The following NR2C2 variants were observed in gnomAD, a reference collection of about 807,000 sequenced individuals.
NR2C2 encodes Nuclear hormone receptor TR4.
In NR2C2, 6 loss-of-function variants were observed where a neutral mutation model predicts 62.9. That is an observed-to-expected ratio of 0.10 (90% confidence interval 0.05 to 0.19). The LOEUF is 0.19. Among genes scored for constraint, NR2C2 ranks in the 10% least tolerant of loss-of-function variants. NR2C2 has a pLI of 1.00. For synonymous variants in NR2C2, 272 were observed against 273.8 expected, an observed-to-expected ratio of 0.99 and a Z score of 0.07; for missense variants, 479 against 762.7, an observed-to-expected ratio of 0.63 and a Z score of 4.38.
At chr3:15,034,960 A>G (rs2042068452) in intron 11 of NR2C2, 151 bp downstream of exon 11, 2 of 803,554 alleles carry the variant, frequency 2.5e-6, no homozygotes, top group South Asian at 1.9e-5. Context: ...TCAGTTTCCC[A>G]CAGCATCCAT....
chr3:15,000,970 A>G (rs1487750751), intron 1 of NR2C2, among the ~76,000 whole-genome samples: 1 of 151,082 alleles, frequency 6.6e-6, no homozygotes, highest in Non-Finnish European at 1.5e-5. Context: ...ACCCGTCACC[A>G]CGCCCGGCTA....
chr3:15,020,108 A>C (rs1286408089), intron 4 of NR2C2, among the ~76,000 whole-genome samples: 1 of 152,244 alleles, frequency 6.6e-6, no homozygotes, highest in Non-Finnish European at 1.5e-5. Context: ...TAATAAATGC[A>C]TTCCTAGAAC....
In NR2C2 at chr3:15,047,402, G is replaced by A. The variant is rs1245102254; in HGVS notation, c.*4394G>A. 1 of 152,228 alleles carries A rather than the reference G, an allele frequency of 6.6e-6. No homozygotes were observed. The highest frequency in any genetic ancestry group is 1.5e-5 in the Non-Finnish European group (1 of 68,050). 9.4% of individuals were successfully genotyped at this position (152,228 alleles called of 1,614,324 possible). A position where few individuals can be genotyped will look rare whatever the true frequency, so the allele number is the denominator to read the frequency against. Reference sequence around the variant, plus strand: ...ACAAGAGCCAGGAAGCTGGAAGACAGTTTATCTTAATATCCAAAACTAAGT... The same window carrying A: ...ACAAGAGCCAGGAAGCTGGAAGACAATTTATCTTAATATCCAAAACTAAGT... On this transcript the variant is annotated 3_prime_UTR_variant, in exon 14 of 14. Transcript: ENST00000425241.
chr3:15,038,768 G>A (rs2125088147), intron 12 of NR2C2: 1 of 191,852 alleles, frequency 5.2e-6, no homozygotes, highest in East Asian at 1.2e-4. Context: ...ATAAAATTGG[G>A]ACAAATTATA....
In NR2C2 at chr3:15,048,053, G is replaced by A. The variant is rs1464276237; in HGVS notation, c.*5045G>A. The A allele has an allele frequency of 1.3e-5, 2 of 152,596 alleles. No individual in the cohort carries two copies. Among genetic ancestry groups the A allele is most frequent in the Non-Finnish European group, 2.9e-5 (2 of 68,042 alleles). 9.5% of individuals were successfully genotyped at this position (152,596 alleles called of 1,614,324 possible). A position where few individuals can be genotyped will look rare whatever the true frequency, so the allele number is the denominator to read the frequency against. On this transcript the variant is annotated 3_prime_UTR_variant, in exon 14 of 14. Coordinates refer to ENST00000425241, the MANE Select transcript of NR2C2 (RefSeq NM_001291694.2). ...CTGGGAAGCAGGGGCCTGCTGGAAG[G>A]AATCACTAGATTGCTGCAAAAACTC...
intron 1 of NR2C2, among the ~76,000 whole-genome samples, chr3:14,978,837 T>C (rs1311740564): frequency 1.3e-5 from 2 of 152,200 alleles, no homozygotes; most frequent in Non-Finnish European, 2.9e-5. Context: ...GTTCAAGTTA[T>C]CCACAGACTA....
intron 2 of NR2C2, among the ~76,000 whole-genome samples, chr3:15,009,778 C>T (rs1256005417): frequency 6.6e-6 from 1 of 152,148 alleles, no homozygotes. Context: ...CTTCTGGTGG[C>T]CAGAAGTCTG....
At chr3:14,960,685 C>A (rs980571475) in intron 1 of NR2C2, among the ~76,000 whole-genome samples, 1 of 152,148 alleles carries the variant, frequency 6.6e-6, no homozygotes, top group Non-Finnish European at 1.5e-5. Flanking sequence ...AGGAGAAATT[C>A]TGTTGACATC....
intron 4 of NR2C2, among the ~76,000 whole-genome samples, chr3:15,020,411 A>C (rs921315638): frequency 3.9e-5 from 6 of 152,214 alleles, no homozygotes; most frequent in Non-Finnish European, 5.9e-5. Context: ...GGTGTGTTCA[A>C]GTGGACAGTA....
chr3:14,982,879 C>T (rs2040413657), intron 1 of NR2C2, among the ~76,000 whole-genome samples: 2 of 152,084 alleles, frequency 1.3e-5, no homozygotes, highest in Non-Finnish European at 2.9e-5. Context: ...TGCTATGAGC[C>T]TTTATTCGAT....
intron 1 of NR2C2, among the ~76,000 whole-genome samples, chr3:14,963,241 T>C (rs372412535): frequency 1.9e-4 from 29 of 152,368 alleles, no homozygotes; most frequent in African/African-American, 6.7e-4. Context: ...TTCTGTACCA[T>C]GCCCTATGCA....
chr3:14,993,745 A>G (rs559293466), intron 1 of NR2C2, among the ~76,000 whole-genome samples: 1 of 152,226 alleles, frequency 6.6e-6, no homozygotes, highest in East Asian at 1.9e-4. Context: ...CACTCAATCT[A>G]AATTTATTAC....
chr3:14,962,349 A>G (rs1478545892), intron 1 of NR2C2: 1 of 152,624 alleles, frequency 6.6e-6, no homozygotes, highest in Admixed American at 6.6e-5. Flanking sequence ...GATTACTAAT[A>G]TTTTTCAAGT....
intron 3 of NR2C2, among the ~76,000 whole-genome samples, chr3:15,015,381 A>G (rs1159998191): frequency 6.6e-6 from 1 of 152,264 alleles, no homozygotes; most frequent in African/African-American, 2.4e-5. Flanking sequence ...TGAGGGGAAG[A>G]TAGCAGGTTT....
At chr3:15,015,250 C>T (rs1239190268) in intron 3 of NR2C2, among the ~76,000 whole-genome samples, 1 of 152,162 alleles carries the variant, frequency 6.6e-6, no homozygotes, top group East Asian at 1.9e-4. Flanking sequence ...CATTTTAAGG[C>T]TTATTGTTGG....
intron 1 of NR2C2, among the ~76,000 whole-genome samples, chr3:14,960,431 A>G (rs1252749007): frequency 6.6e-6 from 1 of 152,188 alleles, no homozygotes; most frequent in Non-Finnish European, 1.5e-5. Context: ...TTGATCCTGC[A>G]AATTTAAAGT....
At chr3:15,007,576 A>G (rs1449075358) in intron 2 of NR2C2, among the ~76,000 whole-genome samples, 1 of 152,190 alleles carries the variant, frequency 6.6e-6, no homozygotes, top group Non-Finnish European at 1.5e-5. Context: ...TTGAACTAAA[A>G]GTTTCATGAG....
intron 1 of NR2C2, among the ~76,000 whole-genome samples, chr3:14,957,040 C>T (rs1336887198): frequency 2.0e-5 from 3 of 152,196 alleles, no homozygotes; most frequent in Admixed American, 6.5e-5. Context: ...CCAAGCACAA[C>T]GTATACACAT....
At chr3:15,036,448 T>C (rs1410321025) in intron 11 of NR2C2, among the ~76,000 whole-genome samples, 2 of 151,932 alleles carry the variant, frequency 1.3e-5, no homozygotes, top group African/African-American at 4.8e-5. Context: ...GAAGTAACAC[T>C]GAAAATCTAC....
Sources: gnomAD v4.1 joint callset for allele counts (sites outside exome capture counted in the v4.1 genomes callset) on GRCh38, gnomAD v4.1.1 for gene constraint, MANE v1.5 for transcripts, NCBI Gene and HGNC (gene_info 2026-07-23, HGNC 2026-07-21) for gene names.